Variants in GMDS observed in about 807,000 individuals in gnomAD.
GMDS encodes GDP-mannose 4,6-dehydratase.
In GMDS, 20 loss-of-function variants were observed where a neutral mutation model predicts 49.9. The observed-to-expected ratio is 0.40, with a 90% confidence interval of 0.28 to 0.58. GMDS has a LOEUF of 0.58. Ranked by LOEUF, GMDS falls within the 20% of genes least tolerant of loss-of-function variation. GMDS has a pLI of 0.42. For synonymous variants in GMDS, 177 were observed against 178.6 expected, an observed-to-expected ratio of 0.99 and a Z score of 0.07; for missense variants, 362 against 481.4, an observed-to-expected ratio of 0.75 and a Z score of 2.32.
intron 4 of GMDS, among the ~76,000 whole-genome samples, chr6:2,066,493 A>G (rs1198073406): frequency 2.0e-5 from 3 of 151,764 alleles, no homozygotes; most frequent in Non-Finnish European, 4.4e-5. Context: ...AAGAGTCAAG[A>G]CCCATCAGTG....
chr6:1,650,056 TCA>T (rs1763605476), intron 9 of GMDS, among the ~76,000 whole-genome samples: 1 of 152,214 alleles, frequency 6.6e-6, no homozygotes, highest in African/African-American at 2.4e-5. Flanking sequence ...TTCCACGGCC[TCA>T]GTTTCTTCAG....
intron 7 of GMDS, among the ~76,000 whole-genome samples, chr6:1,893,012 G>C (rs1759951073): frequency 6.6e-6 from 1 of 152,110 alleles, no homozygotes; most frequent in Admixed American, 6.6e-5. Context: ...GGGCCAGGAA[G>C]AGAAGTCCCA....
At chr6:2,182,370 T>C (rs1240905033) in intron 1 of GMDS, among the ~76,000 whole-genome samples, 2 of 152,174 alleles carry the variant, frequency 1.3e-5, no homozygotes, top group African/African-American at 4.8e-5. Flanking sequence ...ACATAATTAG[T>C]GAGGGTGGTT....
At chr6:1,755,525 T>C (rs911641360) in intron 7 of GMDS, among the ~76,000 whole-genome samples, 4 of 141,490 alleles carry the variant, frequency 2.8e-5, no homozygotes, top group African/African-American at 1.0e-4. Flanking sequence ...AAAAAACTAC[T>C]TTAAATTTCA....
chr6:1,929,981 T>TA (rs1312778720), intron 7 of GMDS, 122 bp downstream of exon 7: 4 of 850,590 alleles, frequency 4.7e-6, no homozygotes, highest in Non-Finnish European at 7.5e-6. Flanking sequence ...AGTGTAAACA[T>TA]ACCTGCCTTG....
chr6:1,679,063 TAC>T (rs1434215872), intron 9 of GMDS: 1 of 152,240 alleles, frequency 6.6e-6, no homozygotes, highest in African/African-American at 2.4e-5. Flanking sequence ...TGTGCATGCG[TAC>T]AGAGTCCTCT....
chr6:1,755,556 C>T (rs184108230), intron 7 of GMDS, among the ~76,000 whole-genome samples: 37 of 152,174 alleles, frequency 2.4e-4, no homozygotes, highest in Admixed American at 2.2e-3. Flanking sequence ...AAAAAATGCC[C>T]GTATAGCCAA....
Position 1,923,562 on chromosome 6 carries a change from C to T in GMDS, c.771+6541G>A, listed in dbSNP as rs137927782. Among the ~76,000 whole-genome samples, 405 of 152,322 alleles carry T rather than the reference C, an allele frequency of 2.7e-3. 1 individual carries two copies. Among genetic ancestry groups the T allele is most frequent in the African/African-American group, 9.2e-3 (381 of 41,558 alleles). On this transcript the variant is annotated intron_variant, in intron 7 of 10. Coordinates refer to ENST00000380815, the MANE Select transcript of GMDS (RefSeq NM_001500.4). ...GTGCTCCCTCCCACAAGGGGTTGAG[C>T]GCAGCAGGCTGAGTAAATGGAGCTT...
chr6:1,632,341 T>C (rs1349437086), intron 9 of GMDS, among the ~76,000 whole-genome samples: 1 of 152,150 alleles, frequency 6.6e-6, no homozygotes, highest in East Asian at 1.9e-4. Context: ...AGAGTCCATA[T>C]TGTACATATT....
In GMDS at chr6:1,837,638, G is replaced by C. The variant is rs565621041; in HGVS notation, c.771+92465C>G. On this transcript the variant is annotated intron_variant, in intron 7 of 10. Coordinates refer to ENST00000380815, the MANE Select transcript of GMDS (RefSeq NM_001500.4). ...AGCCAAGCAATGAAGACTCTCTCAA[G>C]AACTTCGACATCTTATATGTGAATA... Among the ~76,000 whole-genome samples, 8 of 152,300 alleles carry C rather than the reference G, an allele frequency of 5.3e-5. No homozygotes were observed. In the East Asian group the frequency reaches 1.5e-3, roughly 29 times the overall value.
At chr6:1,809,764 G>A (rs1433685573) in intron 7 of GMDS, among the ~76,000 whole-genome samples, 1 of 152,046 alleles carries the variant, frequency 6.6e-6, no homozygotes, top group African/African-American at 2.4e-5. Context: ...AGACAATCTT[G>A]GTATAAAAGA....
chr6:1,673,556 T>C (rs139231224), intron 9 of GMDS, among the ~76,000 whole-genome samples: 111 of 152,254 alleles, frequency 7.3e-4, no homozygotes, highest in African/African-American at 2.6e-3. Flanking sequence ...TATTATTACC[T>C]AAAATCCATA....
intron 7 of GMDS, among the ~76,000 whole-genome samples, chr6:1,915,931 A>G (rs1761362920): frequency 6.6e-6 from 1 of 152,218 alleles, no homozygotes; most frequent in South Asian, 2.1e-4. Flanking sequence ...CTTTAAAATA[A>G]CAACTGACCA....
chr6:2,193,279 G>T lies in GMDS; in HGVS notation c.102+52042C>A, dbSNP rs140849290. ...ACTCAAGTTATTACATAGGCACAAC[G>T]TATGTGTTACAAAGTATGTGTTAAA... is the stretch of plus-strand genomic sequence containing the variant. On this transcript the variant is annotated intron_variant, in intron 1 of 10. Transcript: ENST00000380815. Among the ~76,000 whole-genome samples, 343 of 152,314 alleles carry T rather than the reference G, an allele frequency of 2.3e-3. 2 individuals are homozygous for T. The highest frequency in any genetic ancestry group is 7.5e-3 in the African/African-American group (310 of 41,568).
intron 4 of GMDS, among the ~76,000 whole-genome samples, chr6:1,986,008 G>A (rs1464354980): frequency 6.6e-6 from 1 of 152,134 alleles, no homozygotes; most frequent in Non-Finnish European, 1.5e-5. Flanking sequence ...ACCTTAGCTT[G>A]GTACACTGGC....
chr6:1,974,114 A>T (rs1383861298), intron 4 of GMDS, among the ~76,000 whole-genome samples: 1 of 152,140 alleles, frequency 6.6e-6, no homozygotes, highest in Admixed American at 6.5e-5. Context: ...CTCCTCCAAA[A>T]ATAGCAGATA....
At chr6:2,179,982 T>C (rs1366696611) in intron 1 of GMDS, among the ~76,000 whole-genome samples, 1 of 150,010 alleles carries the variant, frequency 6.7e-6, no homozygotes, top group African/African-American at 2.5e-5. Flanking sequence ...AAAGATGCAT[T>C]GTAACACCAC....
chr6:2,203,248 TGAG>T (rs1779634646), intron 1 of GMDS, among the ~76,000 whole-genome samples: 4 of 152,198 alleles, frequency 2.6e-5, no homozygotes, highest in Admixed American at 2.6e-4. Context: ...CCTGTCACTT[TGAG>T]GACATTTATT....
chr6:1,733,689 C>T (rs1159338560), intron 8 of GMDS, among the ~76,000 whole-genome samples: 1 of 152,058 alleles, frequency 6.6e-6, no homozygotes, highest in Non-Finnish European at 1.5e-5. Flanking sequence ...TGGTGGTGTG[C>T]ACCTATTGTC....
Sources: gnomAD v4.1 joint callset for allele counts (sites outside exome capture counted in the v4.1 genomes callset) on GRCh38, gnomAD v4.1.1 for gene constraint, MANE v1.5 for transcripts, NCBI Gene and HGNC (gene_info 2026-07-23, HGNC 2026-07-21) for gene names.